Variants in ZFPL1 observed in about 807,000 individuals in gnomAD.
ZFPL1 encodes zinc finger protein like 1, also known as zinc finger protein-like 1.
ZFPL1 carries 28 observed loss-of-function variants against 32.0 expected under a neutral mutation model. The ratio of observed to expected loss-of-function variants is 0.87; its 90% CI spans 0.65 to 1.20. The LOEUF is 1.20. Among genes scored for constraint, ZFPL1 ranks in the 50% most tolerant of loss-of-function variants. ZFPL1 has a pLI of 0.00. For missense variants in ZFPL1, 386 were observed against 424.8 expected, an observed-to-expected ratio of 0.91 and a Z score of 0.80; for synonymous variants, 165 against 177.0, an observed-to-expected ratio of 0.93 and a Z score of 0.54.
rs1159574910 is a variant in ZFPL1 at position 65,084,898 on chromosome 11, C to A, written c.102+98C>A. ...GAGGGGCCCCGCGCTAGAATGTAAGCCCCACAAGGGCAAGGACTTGATTTA... is the reference window on the plus strand; with the variant it reads ...GAGGGGCCCCGCGCTAGAATGTAAGACCCACAAGGGCAAGGACTTGATTTA... On this transcript the variant is annotated intron_variant, in intron 2 of 7. Transcript: ENST00000294258. 4 of 1,402,894 alleles carry A rather than the reference C, an allele frequency of 2.9e-6. No individual in the cohort carries two copies. In the Admixed American group the frequency reaches 5.4e-5, roughly 19 times the overall value. The allele number at this position is 1,402,894 out of a possible 1,614,324, so 86.9% of individuals were successfully genotyped here. A position where few individuals can be genotyped will look rare whatever the true frequency, so the allele number is the denominator to read the frequency against.
chr11:65,086,454 A>G lies in ZFPL1; in HGVS notation c.254A>G (p.Gln85Arg). 6.2e-7 allele frequency: 1 copy of G among 1,614,068 alleles called. No homozygotes were observed. The highest frequency in any genetic ancestry group is 8.5e-7 in the Non-Finnish European group (1 of 1,180,032). The change falls in exon 4 of 8, where the codon CAG (glutamine) becomes CGG (arginine). Residue 85 changes from glutamine to arginine, a missense_variant. Gln to Arg is a conservative substitution (Grantham distance 43). Coordinates refer to ENST00000294258, the MANE Select transcript of ZFPL1 (RefSeq NM_006782.4). ...HWACLNERAA[Q>R]LPRNTAPAGY... ...GCCTGCCTCAATGAACGTGCTGCCC[A>G]GCTACCCCGAAACACGGCACCTGCC...
chr11:65,085,545 G>T lies in ZFPL1; in HGVS notation c.214+319G>T, dbSNP rs189084801. 4 of 399,204 alleles carry T rather than the reference G, an allele frequency of 1.0e-5. No homozygotes were observed. The East Asian group carries it at 2.2e-4, about 21-fold the overall frequency. 24.7% of individuals were successfully genotyped at this position (399,204 alleles called of 1,614,324 possible). The stretch of plus-strand genomic sequence containing the variant: ...GCCGTGACTATTAGCTAGCCAGACC[G>T]GCATGTTGCTTTCAGATATTCAGGA... On this transcript the variant is annotated intron_variant, in intron 3 of 7. Coordinates refer to ENST00000294258, the MANE Select transcript of ZFPL1 (RefSeq NM_006782.4).
In ZFPL1 at chr11:65,086,439, A is replaced by G. The variant is rs1043466604; in HGVS notation, c.239A>G (p.Asn80Ser). ...GATCTCTTTCACTGGGCCTGCCTCA[A>G]TGAACGTGCTGCCCAGCTACCCCGA... ...CYDLFHWACL[N>S]ERAAQLPRNT... The change falls in exon 4 of 8, where the codon AAT becomes AGT. Residue 80 changes from asparagine to serine, a missense_variant. Asn to Ser is a conservative substitution (Grantham distance 46). Coordinates refer to ENST00000294258, the MANE Select transcript of ZFPL1 (RefSeq NM_006782.4). 15 of 1,614,076 alleles carry G rather than the reference A, an allele frequency of 9.3e-6. No individual in the cohort carries two copies. The highest frequency in any genetic ancestry group is 5.0e-5 in the Admixed American group (3 of 60,016).
At position 65,087,327 on chromosome 11, in the gene ZFPL1, G is replaced by T. The variant is rs1947689865; in HGVS notation, c.640G>T (p.Val214Leu). 4 of 1,614,122 alleles carry T rather than the reference G, an allele frequency of 2.5e-6. No homozygotes were observed. In the East Asian group the frequency reaches 6.7e-5, roughly 27 times the overall value. The stretch of plus-strand genomic sequence containing the variant: ...GCTCCACCCTGTAGCCCCTAGGAAG[G>T]TGTATGATACGCGGGATGATGACCG... Reference protein sequence around the residue: ...PEPLTHAPRKVYDTRDDDRTP... With the variant: ...PEPLTHAPRKLYDTRDDDRTP... Residue 214 changes from valine (V) to leucine (L), a missense_variant, in exon 7 of 8, where the codon GTG becomes TTG. Val to Leu is a conservative substitution (Grantham distance 32). Coordinates refer to ENST00000294258, the MANE Select transcript of ZFPL1 (RefSeq NM_006782.4).
At position 65,086,944 on chromosome 11, in the gene ZFPL1, A is replaced by T. The variant is rs1266168919; in HGVS notation, c.498A>T (p.Gly166=). The part of the protein sequence containing the change: ...WSSFNASSTP[G]PEEVDSASAA... ...CACCCACAGCCAGCAGTACCCCTGGACCAGAGGAGGTAGACAGCGCCTCTG... is the reference window on the plus strand; with the variant it reads ...CACCCACAGCCAGCAGTACCCCTGGTCCAGAGGAGGTAGACAGCGCCTCTG... Residue 166 remains glycine, a synonymous_variant, in exon 6 of 8, where the codon GGA becomes GGT. Coordinates refer to ENST00000294258, the MANE Select transcript of ZFPL1 (RefSeq NM_006782.4). 6.2e-7 allele frequency: 1 copy of T among 1,613,926 alleles called. No individual in the cohort carries two copies. Among genetic ancestry groups the T allele is most frequent in the Admixed American group, 1.7e-5 (1 of 59,992 alleles).
At chr11:65,087,529 T>G in intron 7 of ZFPL1, 96 bp downstream of exon 7, 1 of 1,205,052 alleles carries the variant, frequency 8.3e-7, no homozygotes, top group Non-Finnish European at 1.2e-6. Flanking sequence ...CAAAAGGGGC[T>G]TGTTCTGGGG....
Position 65,088,269 on chromosome 11 carries a change from G to T in ZFPL1, c.*155G>T. The T allele has an allele frequency of 8.8e-7, 1 of 1,140,168 alleles. No individual in the cohort carries two copies. Among genetic ancestry groups the T allele is most frequent in the Non-Finnish European group, 1.2e-6 (1 of 805,974 alleles). The allele number at this position is 1,140,168 out of a possible 1,614,324, so 70.6% of individuals were successfully genotyped here. A position where few individuals can be genotyped will look rare whatever the true frequency, so the allele number is the denominator to read the frequency against. On this transcript the variant is annotated 3_prime_UTR_variant, in exon 8 of 8. Transcript: ENST00000294258. Reference sequence around the variant, plus strand: ...CAAAGCCAAGTCCACCAGAGTGGCTGCAGGCCAGGCCTGGAGTCCCCGTGG... The same window carrying T: ...CAAAGCCAAGTCCACCAGAGTGGCTTCAGGCCAGGCCTGGAGTCCCCGTGG...
chr11:65,087,581 G>T lies in ZFPL1; in HGVS notation c.746+148G>T, dbSNP rs952169521. On this transcript the variant is annotated intron_variant, in intron 7 of 7. Transcript: ENST00000294258. ...GCTGGGGCTGTGCAGAGAGGCCTTG[G>T]CTGTGCAGCAGAAGCTGTGTTTTGC... 20 of 746,308 alleles carry T rather than the reference G, an allele frequency of 2.7e-5. No individual in the cohort carries two copies. In the Admixed American group the frequency reaches 3.4e-4, roughly 13 times the overall value. 46.2% of individuals were successfully genotyped at this position (746,308 alleles called of 1,614,324 possible).
intron 5 of ZFPL1, 59 bp from the exon 6 acceptor site, chr11:65,086,869 A>C: frequency 1.2e-6 from 2 of 1,613,468 alleles, no homozygotes; most frequent in South Asian, 2.2e-5. Flanking sequence ...CTGCAGTCAC[A>C]TGCTCTACCC....
chr11:65,084,898 C>T (rs1159574910), intron 2 of ZFPL1, 98 bp downstream of exon 2: 10 of 1,402,896 alleles, frequency 7.1e-6, no homozygotes, highest in East Asian at 4.7e-5. Context: ...AGAATGTAAG[C>T]CCCACAAGGG....
chr11:65,086,849 C>T, intron 5 of ZFPL1, 57 bp downstream of exon 5: 1 of 1,613,742 alleles, frequency 6.2e-7, no homozygotes, highest in Non-Finnish European at 8.5e-7. Context: ...CTGCTGACAG[C>T]TCCCTTGGTC....
At position 65,088,378 on chromosome 11, in the gene ZFPL1, TAAAC is replaced by T; in HGVS notation, c.*267_*270del. On this transcript the variant is annotated 3_prime_UTR_variant, in exon 8 of 8. Coordinates refer to ENST00000294258, the MANE Select transcript of ZFPL1 (RefSeq NM_006782.4). ...CCATGAAGGAGCTGGCAGGTGGAAA[TAAAC>T]AACAACTTTATTAAAACACCCGAGG... The T allele has an allele frequency of 6.9e-7, 1 of 1,440,396 alleles. No individual in the cohort carries two copies. 89.2% of individuals were successfully genotyped at this position (1,440,396 alleles called of 1,614,324 possible). A position where few individuals can be genotyped will look rare whatever the true frequency, so the allele number is the denominator to read the frequency against.
Position 65,084,316 on chromosome 11 carries a change from C to G in ZFPL1, c.-71C>G, listed in dbSNP as rs1195664359. The G allele has an allele frequency of 7.8e-6, 4 of 512,196 alleles. No homozygotes were observed. The highest frequency in any genetic ancestry group is 1.4e-5 in the Non-Finnish European group (4 of 288,976). 31.7% of individuals were successfully genotyped at this position (512,196 alleles called of 1,614,324 possible). On this transcript the variant is annotated 5_prime_UTR_variant, in exon 1 of 8. Coordinates refer to ENST00000294258, the MANE Select transcript of ZFPL1 (RefSeq NM_006782.4). Reference sequence around the variant, plus strand: ...GAGTGGTCCCTGCCCTTCCGCGCCTCGAGCCATCGCTACCGCCCTTCGGAA... The same window carrying G: ...GAGTGGTCCCTGCCCTTCCGCGCCTGGAGCCATCGCTACCGCCCTTCGGAA...
Position 65,088,165 on chromosome 11 carries a change from G to A in ZFPL1, c.*51G>A, listed in dbSNP as rs766332107. ...CCTAGGATGTGGGTTCTGTGGAGGAGAGGCGGGGTAATGGGGAGGCTGAGG... is the reference window on the plus strand; with the variant it reads ...CCTAGGATGTGGGTTCTGTGGAGGAAAGGCGGGGTAATGGGGAGGCTGAGG... On this transcript the variant is annotated 3_prime_UTR_variant, in exon 8 of 8. Transcript: ENST00000294258. The A allele has an allele frequency of 1.3e-6, 2 of 1,572,808 alleles. No homozygotes were observed. Among genetic ancestry groups the A allele is most frequent in the East Asian group, 4.5e-5 (2 of 44,788 alleles).
Position 65,087,876 on chromosome 11 carries a change from C to T in ZFPL1, c.747-52C>T, listed in dbSNP as rs182845385. 186 of 1,503,872 alleles carry T rather than the reference C, an allele frequency of 1.2e-4. No individual in the cohort carries two copies. The East Asian group carries it at 2.9e-3, about 23-fold the overall frequency. The allele number at this position is 1,503,872 out of a possible 1,614,324, so 93.2% of individuals were successfully genotyped here. On this transcript the variant is annotated intron_variant, in intron 7 of 7. Transcript: ENST00000294258. ...GGTGACCAGGGCTTCTCTCCAGCCG[C>T]GGGGGCCACCAGGGACTGGGGCCTG...
rs373141594 is a variant in ZFPL1 at position 65,086,812 on chromosome 11, G to A, written c.481+20G>A. 53 of 1,614,058 alleles carry A rather than the reference G, an allele frequency of 3.3e-5. No individual in the cohort carries two copies. The highest frequency in any genetic ancestry group is 3.6e-5 in the Non-Finnish European group (43 of 1,180,038). ...TTAATGGTAAGTGGTGGCTTCCACC[G>A]ACTGTTTGGGCTTTAGCCTCCCTGC... On this transcript the variant is annotated intron_variant, in intron 5 of 7. Coordinates refer to ENST00000294258, the MANE Select transcript of ZFPL1 (RefSeq NM_006782.4).
chr11:65,084,596 G>A, intron 1 of ZFPL1, 95 bp from the exon 2 acceptor site: 1 of 970,398 alleles, frequency 1.0e-6, no homozygotes. Context: ...AATATGAGAG[G>A]TGTCTGGGGG....
chr11:65,086,873 T>C (rs1947684917), intron 5 of ZFPL1, 55 bp from the exon 6 acceptor site: 2 of 1,613,300 alleles, frequency 1.2e-6, no homozygotes, highest in African/African-American at 2.7e-5. Flanking sequence ...AGTCACATGC[T>C]CTACCCCTGA....
chr11:65,085,262 C>T, intron 3 of ZFPL1, 36 bp downstream of exon 3: 1 of 1,588,332 alleles, frequency 6.3e-7, no homozygotes, highest in Non-Finnish European at 8.6e-7. Flanking sequence ...TCAGGCCAGC[C>T]TCAGGGGCCA....
Sources: gnomAD v4.1 joint callset for allele counts on GRCh38, gnomAD v4.1.1 for gene constraint, MANE v1.5 for transcripts, NCBI Gene and HGNC (gene_info 2026-07-23, HGNC 2026-07-21) for gene names.